Variants in GRIA2 observed in about 807,000 individuals in gnomAD.
GRIA2 encodes glutamate receptor 2.
A neutral mutation model predicts 97.3 loss-of-function variants in GRIA2; 14 were observed. That is an observed-to-expected ratio of 0.14 (90% CI 0.10 to 0.23). The LOEUF is 0.23. Ranked by LOEUF, GRIA2 falls within the 10% of genes least tolerant of loss-of-function variation. GRIA2 has a pLI of 1.00. For synonymous variants in GRIA2, 412 were observed against 387.8 expected (o/e 1.06, Z -0.73); for missense variants, 558 against 1,069.8 (o/e 0.52, Z 6.67).
chr4:157,290,608 A>T (rs1201350820), intron 2 of GRIA2, among the ~76,000 whole-genome samples: 1 of 151,570 alleles, frequency 6.6e-6, no homozygotes, highest in African/African-American at 2.4e-5. Flanking sequence ...AGTTTTCCTA[A>T]CTTCGATGCT....
At chr4:157,357,016 G>A (rs1736413765) in intron 12 of GRIA2, among the ~76,000 whole-genome samples, 1 of 152,144 alleles carries the variant, frequency 6.6e-6, no homozygotes, top group Admixed American at 6.5e-5. Context: ...TCTTAGATGA[G>A]AAGCCCAAAA....
chr4:157,253,229 A>G (rs934280097), intron 2 of GRIA2, among the ~76,000 whole-genome samples: 43 of 150,866 alleles, frequency 2.9e-4, no homozygotes, highest in Middle Eastern at 3.4e-3. Flanking sequence ...CCATCCTCCC[A>G]CTTCATCCTC....
intron 6 of GRIA2, among the ~76,000 whole-genome samples, chr4:157,329,099 A>G (rs891050831): frequency 5.3e-5 from 8 of 151,956 alleles, no homozygotes; most frequent in African/African-American, 1.9e-4. Context: ...AATTAAGACA[A>G]GTGAATAATT....
intron 2 of GRIA2, among the ~76,000 whole-genome samples, chr4:157,238,131 T>C (rs998250721): frequency 8.5e-5 from 13 of 152,272 alleles, no homozygotes; most frequent in African/African-American, 3.1e-4. Context: ...AGTTATGTGC[T>C]CTACCTAAAG....
intron 3 of GRIA2, among the ~76,000 whole-genome samples, chr4:157,307,555 A>G (rs1461290836): frequency 1.3e-5 from 2 of 152,194 alleles, no homozygotes; most frequent in Admixed American, 6.5e-5. Context: ...CTCCATAAAG[A>G]GAAATTCAAC....
Position 157,321,436 on chromosome 4 carries a change from A to C in GRIA2, c.721-2A>C. 1 of 1,601,966 alleles carries C rather than the reference A, an allele frequency of 6.2e-7. No homozygotes were observed. The highest frequency in any genetic ancestry group is 8.5e-7 in the Non-Finnish European group (1 of 1,172,742). On this transcript the variant is annotated splice_acceptor_variant, in intron 5 of 15. Transcript: ENST00000264426. LOFTEE classifies it high-confidence loss of function. ...CGTGATATCAATGTGTTCTATGTTT[A>C]GGGATTTACTGATGGAGACCTATTA...
intron 2 of GRIA2, among the ~76,000 whole-genome samples, chr4:157,277,211 A>G (rs1051588813): frequency 1.3e-5 from 2 of 151,946 alleles, no homozygotes; most frequent in African/African-American, 4.8e-5. Context: ...GATTTGTTTC[A>G]AGTGGCAAGG....
At chr4:157,254,463 T>C (rs951166877) in intron 2 of GRIA2, among the ~76,000 whole-genome samples, 6 of 152,034 alleles carry the variant, frequency 3.9e-5, no homozygotes, top group African/African-American at 1.4e-4. Flanking sequence ...ATGTAACTGA[T>C]AAATTGTTAA....
In GRIA2 at chr4:157,242,742, T is replaced by C. The variant is rs529891112; in HGVS notation, c.229+20935T>C. On this transcript the variant is annotated intron_variant, in intron 2 of 15. Coordinates refer to ENST00000264426, the MANE Select transcript of GRIA2 (RefSeq NM_001083619.3). Reference sequence around the variant, plus strand: ...CTCTCATTACAACATTTTCATCAACTGATCAATACATAACATTGTTTATGT... The same window carrying C: ...CTCTCATTACAACATTTTCATCAACCGATCAATACATAACATTGTTTATGT... 2.6e-5 allele frequency among the ~76,000 whole-genome samples: 4 copies of C among 152,254 alleles called. No homozygotes were observed. The South Asian group carries it at 8.3e-4, about 32-fold the overall frequency.
At chr4:157,270,883 G>C (rs1257975988) in intron 2 of GRIA2, among the ~76,000 whole-genome samples, 2 of 151,558 alleles carry the variant, frequency 1.3e-5, no homozygotes, top group African/African-American at 2.4e-5. Flanking sequence ...CAATTCAGTT[G>C]CTGGGTTAAA....
intron 6 of GRIA2, among the ~76,000 whole-genome samples, chr4:157,324,988 A>G (rs939275385): frequency 7.2e-5 from 11 of 152,158 alleles, no homozygotes; most frequent in Non-Finnish European, 2.9e-5. Context: ...ATAAATTCAT[A>G]TCACATTTTA....
At chr4:157,362,643 G>A (rs1736683119) in intron 14 of GRIA2, among the ~76,000 whole-genome samples, 156 bp from the exon 15 acceptor site, 1 of 152,114 alleles carries the variant, frequency 6.6e-6, no homozygotes, top group Admixed American at 6.6e-5. Flanking sequence ...TAGCTGTTAT[G>A]AAAATGGACC....
intron 2 of GRIA2, among the ~76,000 whole-genome samples, chr4:157,225,665 T>C (rs550584658): frequency 6.6e-6 from 1 of 150,760 alleles, no homozygotes; most frequent in Non-Finnish European, 1.5e-5. Context: ...CTCTTTTGAA[T>C]AGTTTTCAAA....
intron 4 of GRIA2, among the ~76,000 whole-genome samples, chr4:157,314,582 A>G (rs1440191505): frequency 6.6e-6 from 1 of 152,190 alleles, no homozygotes; most frequent in Non-Finnish European, 1.5e-5. Flanking sequence ...AATTTTAATA[A>G]TATTCATTAG....
chr4:157,275,092 T>G (rs1732228098), intron 2 of GRIA2, among the ~76,000 whole-genome samples: 5 of 152,128 alleles, frequency 3.3e-5, no homozygotes. Context: ...TCATTGTGGT[T>G]TTGATTTGCA....
rs1017683338 is a variant in GRIA2, at chr4:157,342,171, G to A, written c.2043+709G>A. 2.5e-5 allele frequency: 24 copies of A among 963,666 alleles called. No individual in the cohort carries two copies. In the African/African-American group the frequency reaches 3.5e-4, roughly 14 times the overall value. 59.7% of individuals were successfully genotyped at this position (963,666 alleles called of 1,614,324 possible). On this transcript the variant is annotated intron_variant, in intron 12 of 15. Transcript: ENST00000264426. ...AAATACAGCTGATTAACTTAGGTCTGAAGCCAATATATGTGACATATAATG... is the reference window on the plus strand; with the variant it reads ...AAATACAGCTGATTAACTTAGGTCTAAAGCCAATATATGTGACATATAATG...
intron 15 of GRIA2, 21 bp downstream of exon 15, chr4:157,363,068 CA>C (rs1211674369): frequency 6.3e-7 from 1 of 1,588,068 alleles, no homozygotes; most frequent in African/African-American, 1.4e-5. Context: ...GGCTCTAATA[CA>C]AACTTTTTAG....
rs138878122 is a variant in GRIA2, at chr4:157,312,861, G to A, written c.652G>A (p.Asp218Asn). The stretch of plus-strand genomic sequence containing the variant: ...GGACTGTGAAAGGGATAAAGTAAAC[G>A]ACATTGTAGACCAGGTTTGCTACTT... ...ILDCERDKVNDIVDQVITIGK... is the reference protein window; with the variant it reads ...ILDCERDKVNNIVDQVITIGK... The change falls in exon 4 of 16, where the codon GAC becomes AAC. Residue 218 changes from aspartate to asparagine, a missense_variant. By Grantham distance (23) the Asp-to-Asn change is conservative. Transcript: ENST00000264426. 1.5e-5 allele frequency: 23 copies of A among 1,584,648 alleles called. 1 individual carries two copies. The South Asian group carries it at 2.4e-4, about 17-fold the overall frequency.
At chr4:157,310,436 TAAC>T (rs1211113430) in intron 3 of GRIA2, among the ~76,000 whole-genome samples, 5 of 152,094 alleles carry the variant, frequency 3.3e-5, no homozygotes, top group Non-Finnish European at 5.9e-5. Context: ...ATATTTTAAA[TAAC>T]AAATTAGAAT....
Sources: allele counts gnomAD v4.1 joint callset (sites outside exome capture counted in the v4.1 genomes callset), GRCh38; gene constraint gnomAD v4.1.1; transcripts MANE v1.5; gene names NCBI Gene and HGNC (gene_info 2026-07-23, HGNC 2026-07-21).